Variants in TPRG1 observed in about 807,000 individuals in gnomAD.
TPRG1 encodes tumor protein p63 regulated 1.
A neutral mutation model predicts 29.3 loss-of-function variants in TPRG1; 29 were observed. The ratio of observed to expected loss-of-function variants is 0.99; its 90% confidence interval spans 0.74 to 1.35. The LOEUF (loss-of-function observed/expected upper bound fraction) is 1.35, where lower values mean the gene tolerates loss of function less well. Ranked by LOEUF, TPRG1 falls within the 40% of genes most tolerant of loss-of-function variation. TPRG1 has a pLI of 0.00. For synonymous variants in TPRG1, 130 were observed against 116.8 expected (o/e 1.11, Z -0.73); for missense variants, 327 against 335.0 (o/e 0.98, Z 0.19).
chr3:189,193,828 C>T (rs550159516), intron 1 of TPRG1, among the ~76,000 whole-genome samples: 9 of 150,014 alleles, frequency 6.0e-5, no homozygotes, highest in Admixed American at 1.3e-4. Flanking sequence ...TTTGTTGAAT[C>T]GTCTGTCCGT....
intron 3 of TPRG1, among the ~76,000 whole-genome samples, chr3:189,221,589 T>C (rs1476531695): frequency 3.3e-5 from 5 of 152,200 alleles, no homozygotes; most frequent in African/African-American, 9.7e-5. Context: ...TATGCTTAAT[T>C]TAGAAAGATT....
chr3:189,293,523 G>C (rs6783492), intron 4 of TPRG1, among the ~76,000 whole-genome samples: 84,462 of 151,742 alleles, frequency 0.56, 24,254 homozygotes, highest in African/African-American at 0.68. Flanking sequence ...ACAGATTCCT[G>C]CAGCTCAGCA....
At chr3:189,309,425 C>T (rs954728864) in intron 4 of TPRG1, among the ~76,000 whole-genome samples, 4 of 152,106 alleles carry the variant, frequency 2.6e-5, no homozygotes, top group Admixed American at 2.6e-4. Flanking sequence ...AATTTTTAGA[C>T]AAAATGAGAC....
At chr3:189,094,114 T>A (rs1340790410) in intron 4 of TPRG1, among the ~76,000 whole-genome samples, 1 of 152,198 alleles carries the variant, frequency 6.6e-6, no homozygotes, top group East Asian at 1.9e-4. Context: ...GACACAAAGA[T>A]AATTCCATGA....
chr3:189,234,207 T>G (rs1017620104), intron 3 of TPRG1, among the ~76,000 whole-genome samples: 1 of 152,090 alleles, frequency 6.6e-6, no homozygotes, highest in Non-Finnish European at 1.5e-5. Context: ...AGGAAAGATA[T>G]TAGCCACTTG....
rs746201354 is a variant in TPRG1, at chr3:189,238,803, T to A, written c.373T>A (p.Tyr125Asn). ...AGACAAGACTCTCTTGATCTGCAAA[T>A]ACGACTTCATCATGCTGAGTTGTGT... is the stretch of plus-strand genomic sequence containing the variant. ...VTDKTLLICK[Y>N]DFIMLSCVQL... The change falls in exon 4 of 6, where the codon TAC becomes AAC. Residue 125 changes from tyrosine (Y) to asparagine (N), a missense_variant. By Grantham distance (143) the Tyr-to-Asn change is moderately radical. Coordinates refer to ENST00000345063, the MANE Select transcript of TPRG1 (RefSeq NM_198485.4). 3.1e-6 allele frequency: 5 copies of A among 1,613,810 alleles called. No individual in the cohort carries two copies. Among genetic ancestry groups the A allele is most frequent in the Non-Finnish European group, 4.2e-6 (5 of 1,179,762 alleles).
intron 2 of TPRG1, among the ~76,000 whole-genome samples, chr3:189,001,672 C>A (rs1450059041): frequency 6.6e-6 from 1 of 152,116 alleles, no homozygotes; most frequent in African/African-American, 2.4e-5. Context: ...ACCAGTGCAG[C>A]TTTGTGTTAT....
intron 4 of TPRG1, among the ~76,000 whole-genome samples, chr3:189,290,513 G>C (rs954724532): frequency 6.6e-6 from 1 of 152,204 alleles, no homozygotes; most frequent in African/African-American, 2.4e-5. Flanking sequence ...ACCCCTGTTA[G>C]GAATAAATAG....
intron 3 of TPRG1, among the ~76,000 whole-genome samples, chr3:189,134,396 G>T (rs1723468917): frequency 6.8e-6 from 1 of 147,224 alleles, no homozygotes. Context: ...TAAGCAGTGG[G>T]GGTATCCTTT....
intron 4 of TPRG1, among the ~76,000 whole-genome samples, chr3:189,276,957 C>G (rs766938276): frequency 6.6e-6 from 1 of 152,008 alleles, no homozygotes; most frequent in African/African-American, 2.4e-5. Context: ...CAGATGCTTT[C>G]GGGATGAATC....
intron 1 of TPRG1, among the ~76,000 whole-genome samples, chr3:188,998,078 G>T (rs1023403072): frequency 2.6e-5 from 4 of 152,202 alleles, no homozygotes; most frequent in Middle Eastern, 3.4e-3. Flanking sequence ...ACGATTTTAG[G>T]TGCTGGGAAT....
intron 5 of TPRG1, among the ~76,000 whole-genome samples, chr3:189,155,739 A>G (rs1329581657): frequency 2.6e-5 from 4 of 152,260 alleles, no homozygotes; most frequent in African/African-American, 7.2e-5. Context: ...CAAGCACAGA[A>G]AGACAAATAC....
intron 2 of TPRG1, among the ~76,000 whole-genome samples, chr3:189,003,958 C>T (rs910649563): frequency 3.9e-5 from 6 of 152,096 alleles, no homozygotes; most frequent in Non-Finnish European, 8.8e-5. Flanking sequence ...ATGGATCTTA[C>T]CATATGGCCC....
intron 4 of TPRG1, among the ~76,000 whole-genome samples, chr3:189,027,571 G>A (rs1296539633): frequency 1.3e-5 from 2 of 152,182 alleles, no homozygotes; most frequent in Admixed American, 1.3e-4. Flanking sequence ...TTAAAATATG[G>A]CTAGGTTGAA....
intron 3 of TPRG1, among the ~76,000 whole-genome samples, chr3:189,016,748 C>G (rs567537689): frequency 2.6e-5 from 4 of 152,122 alleles, no homozygotes; most frequent in Admixed American, 2.0e-4. Context: ...CCTTCATGCT[C>G]TCTTTCTCCT....
At chr3:189,203,814 G>T (rs1221676955) in intron 1 of TPRG1, among the ~76,000 whole-genome samples, 2 of 152,046 alleles carry the variant, frequency 1.3e-5, no homozygotes, top group East Asian at 3.9e-4. Flanking sequence ...GACTGAGGCG[G>T]GTGGATCACG....
intron 4 of TPRG1, among the ~76,000 whole-genome samples, chr3:189,036,486 A>G (rs1714275220): frequency 6.6e-6 from 1 of 152,130 alleles, no homozygotes; most frequent in African/African-American, 2.4e-5. Context: ...GACACCCATG[A>G]AGTTGAGATA....
intron 3 of TPRG1, among the ~76,000 whole-genome samples, chr3:189,137,791 G>A (rs142563693): frequency 2.0e-5 from 3 of 152,264 alleles, no homozygotes; most frequent in African/African-American, 7.2e-5. Flanking sequence ...TATGTAGCCA[G>A]TATAGGCCTT....
At position 189,012,627 on chromosome 3, in the gene TPRG1, G is replaced by T. The variant is rs1372774713; in HGVS notation, c.-660+7867G>T. 3.9e-5 allele frequency among the ~76,000 whole-genome samples: 6 copies of T among 152,166 alleles called. No individual in the cohort carries two copies. The East Asian group carries it at 1.2e-3, about 29-fold the overall frequency. On this transcript the variant is annotated intron_variant, in intron 3 of 10. Coordinates refer to the TPRG1 transcript ENST00000433971. ...TCAGCTGTGAATCTGCCTGGTCCTG[G>T]ACTTTTTTGGTTGGTAGGCTATTTA...
Sources: gnomAD v4.1 joint callset for allele counts (sites outside exome capture counted in the v4.1 genomes callset) on GRCh38, gnomAD v4.1.1 for gene constraint, MANE v1.5 for transcripts, NCBI Gene and HGNC (gene_info 2026-07-23, HGNC 2026-07-21) for gene names.